The following SAMMSON variants were observed in gnomAD, a reference collection of about 807,000 sequenced individuals.
The protein encoded by SAMMSON is survival associated mitochondrial melanoma specific oncogenic non-coding RNA.
At chr3:70,186,460 G>C (rs1428213032) in intron 4 of SAMMSON, among the ~76,000 whole-genome samples, 1 of 151,626 alleles carries the variant, frequency 6.6e-6, no homozygotes, top group Admixed American at 6.6e-5. Context: ...TTTTTTTGTA[G>C]AGATGAGGTC....
chr3:70,206,249 T>C (rs1163043366), intron 4 of SAMMSON, among the ~76,000 whole-genome samples: 3 of 152,056 alleles, frequency 2.0e-5, no homozygotes, highest in African/African-American at 7.2e-5. Context: ...GACTGAATAG[T>C]TCCATGTCTG....
chr3:70,309,558 C>T lies in SAMMSON; in HGVS notation n.739+18315C>T, dbSNP rs577712318. 1.9e-3 allele frequency among the ~76,000 whole-genome samples: 289 copies of T among 152,240 alleles called. 1 individual carries two copies. The highest frequency in any genetic ancestry group is 6.5e-3 in the African/African-American group (271 of 41,546). ...AAAGTAACATGGCACAATCACCCAG[C>T]TAGTAGATGGCTGAGCTGAGATTTA... On this transcript the variant is annotated intron_variant and non_coding_transcript_variant, in intron 7 of 9. Transcript: ENST00000642114.
chr3:70,380,636 C>T (rs1703057262), intron 9 of SAMMSON, among the ~76,000 whole-genome samples: 2 of 151,934 alleles, frequency 1.3e-5, no homozygotes, highest in African/African-American at 2.4e-5. Context: ...TGGTGTGCTG[C>T]ACCTATTAAC....
At chr3:70,363,593 T>A (rs552718000) in intron 9 of SAMMSON, among the ~76,000 whole-genome samples, 2 of 152,154 alleles carry the variant, frequency 1.3e-5, no homozygotes, top group South Asian at 4.1e-4. Context: ...AGAAGAGGAC[T>A]ATGTATGTGC....
intron 9 of SAMMSON, among the ~76,000 whole-genome samples, chr3:70,362,693 T>G (rs574901440): frequency 2.0e-5 from 3 of 152,098 alleles, no homozygotes; most frequent in African/African-American, 2.4e-5. Context: ...TGTGTATCTT[T>G]TTTTTACATC....
chr3:70,298,010 A>G (rs1702306236), intron 7 of SAMMSON, among the ~76,000 whole-genome samples: 1 of 152,110 alleles, frequency 6.6e-6, no homozygotes, highest in Admixed American at 6.6e-5. Flanking sequence ...TCTAAATATA[A>G]CAAGGAAAAT....
chr3:70,105,273 A>G (rs1205985645), intron 4 of SAMMSON, among the ~76,000 whole-genome samples: 2 of 152,200 alleles, frequency 1.3e-5, no homozygotes, highest in African/African-American at 4.8e-5. Context: ...TAAAATAGCA[A>G]TTATTTTTCA....
intron 7 of SAMMSON, among the ~76,000 whole-genome samples, chr3:70,315,446 G>A (rs1381736246): frequency 2.0e-5 from 3 of 152,108 alleles, no homozygotes; most frequent in Non-Finnish European, 4.4e-5. Context: ...CCTTATAAGA[G>A]CTGTAGGTAT....
At chr3:70,148,290 G>A (rs903443775) in intron 4 of SAMMSON, among the ~76,000 whole-genome samples, 2 of 151,996 alleles carry the variant, frequency 1.3e-5, no homozygotes, top group African/African-American at 4.8e-5. Flanking sequence ...ATTTACCTTA[G>A]AGGAATAAAA....
intron 4 of SAMMSON, among the ~76,000 whole-genome samples, chr3:70,236,363 G>C (rs1373622857): frequency 6.6e-6 from 1 of 151,962 alleles, no homozygotes; most frequent in African/African-American, 2.4e-5. Context: ...TTCACTTCTT[G>C]TATATTTTAT....
intron 9 of SAMMSON, among the ~76,000 whole-genome samples, chr3:70,366,990 G>A (rs143075184): frequency 8.3e-4 from 125 of 151,474 alleles, no homozygotes; most frequent in African/African-American, 2.2e-3. Flanking sequence ...TGAGGTTTCC[G>A]TTCGTACTTT....
intron 4 of SAMMSON, among the ~76,000 whole-genome samples, chr3:70,114,203 G>A (rs1178703195): frequency 1.3e-5 from 2 of 152,116 alleles, no homozygotes; most frequent in African/African-American, 4.8e-5. Context: ...TAAATCTCTG[G>A]TGTGTGCCAG....
intron 6 of SAMMSON, among the ~76,000 whole-genome samples, chr3:70,290,971 G>C (rs540432590): frequency 5.7e-4 from 87 of 152,248 alleles, no homozygotes; most frequent in Admixed American, 1.4e-3. Context: ...GCACTCCCTA[G>C]TGAGATGAAC....
intron 7 of SAMMSON, among the ~76,000 whole-genome samples, chr3:70,345,769 T>TC (rs398106002): frequency 1.3e-4 from 20 of 152,144 alleles, no homozygotes; most frequent in African/African-American, 4.8e-4. Flanking sequence ...CTGTTTTTTT[T>TC]AACTTAGCGA....
chr3:70,078,856 A>G (rs892306138), intron 4 of SAMMSON, among the ~76,000 whole-genome samples: 1 of 152,218 alleles, frequency 6.6e-6, no homozygotes, highest in African/African-American at 2.4e-5. Flanking sequence ...GTGCTGGCTC[A>G]GCTCAGTAAG....
intron 7 of SAMMSON, among the ~76,000 whole-genome samples, chr3:70,341,755 A>G (rs1351417482): frequency 2.0e-5 from 3 of 152,218 alleles, no homozygotes; most frequent in South Asian, 4.1e-4. Context: ...AAGGGCAGAA[A>G]GAACTTTGTC....
intron 6 of SAMMSON, among the ~76,000 whole-genome samples, chr3:70,268,675 C>T (rs555122900): frequency 1.8e-4 from 27 of 152,174 alleles, no homozygotes; most frequent in Admixed American, 1.1e-3. Context: ...ATTCTCTCTT[C>T]TTTTGTTTTT....
intron 4 of SAMMSON, among the ~76,000 whole-genome samples, chr3:70,113,856 G>GTC (rs138262432): frequency 1.3e-5 from 2 of 151,942 alleles, no homozygotes; most frequent in Non-Finnish European, 2.9e-5. Context: ...GACCAGGACT[G>GTC]TCTCTCTCTC....
chr3:70,393,479 A>G (rs151320139), downstream of SAMMSON, among the ~76,000 whole-genome samples: 654 of 152,316 alleles, frequency 4.3e-3, 6 homozygotes, highest in East Asian at 0.013. Context: ...GTGCTCTTAC[A>G]TGCCATGAGC....
Sources: gnomAD v4.1 joint callset for allele counts (sites outside exome capture counted in the v4.1 genomes callset) on GRCh38, gnomAD v4.1.1 for gene constraint, MANE v1.5 for transcripts, NCBI Gene and HGNC (gene_info 2026-07-23, HGNC 2026-07-21) for gene names.